UBR2: variants seen among roughly 807,000 people sequenced by gnomAD.
The protein encoded by UBR2 is E3 ubiquitin-protein ligase UBR2.
A neutral mutation model predicts 247.9 loss-of-function variants in UBR2; 92 were observed. The ratio of observed to expected loss-of-function variants is 0.37; its 90% CI spans 0.31 to 0.44. The LOEUF is 0.44. Ranked by LOEUF, UBR2 falls within the 20% of genes least tolerant of loss-of-function variation. The pLI is 1.00. For missense variants in UBR2, 1,613 were observed against 2,112.6 expected (o/e 0.76, Z 4.64); for synonymous variants, 672 against 693.5 (o/e 0.97, Z 0.49).
At chr6:42,641,755 A>C in intron 17 of UBR2, 63 bp downstream of exon 17, 1 of 1,352,030 alleles carries the variant, frequency 7.4e-7, no homozygotes, top group Non-Finnish European at 1.0e-6. Context: ...GAAGGTTGTA[A>C]TTTTCAGTGG....
intron 13 of UBR2, 54 bp downstream of exon 13, chr6:42,632,958 C>CTTTTTTTTTTTTTTTTTTTTTTTTTCTTT (rs34284200): frequency 1.6e-6 from 1 of 610,586 alleles, no homozygotes; most frequent in Admixed American, 5.4e-5. Context: ...TCTCTTTTCT[C>CTTTTTTTTTTTTTTTTTTTTTTTTTCTTT]TTTTTTTTTT....
At chr6:42,569,678 G>C (rs1047904889) in intron 1 of UBR2, among the ~76,000 whole-genome samples, 5 of 152,180 alleles carry the variant, frequency 3.3e-5, no homozygotes, top group Admixed American at 3.3e-4. Flanking sequence ...AAAACCAAAA[G>C]TAGTTAAAGG....
At position 42,632,799 on chromosome 6, in the gene UBR2, G is replaced by T. The variant is rs776639741; in HGVS notation, c.1446-6G>T. On this transcript the variant is annotated splice_region_variant and splice_polypyrimidine_tract_variant and intron_variant, in intron 12 of 46. Transcript: ENST00000372901. ...TAATTGCCACTGTCACTTTTATCTT[G>T]TTCAGGTATGTGTTAATTAGCAAAC... 1.3e-6 allele frequency: 2 copies of T among 1,597,108 alleles called. No homozygotes were observed. Among genetic ancestry groups the T allele is most frequent in the African/African-American group, 2.7e-5 (2 of 73,876 alleles).
chr6:42,635,690 A>G, intron 14 of UBR2, 144 bp downstream of exon 14: 1 of 982,146 alleles, frequency 1.0e-6, no homozygotes, highest in Non-Finnish European at 1.4e-6. Context: ...CTCCACCTAT[A>G]AACTCAGTAA....
chr6:42,606,680 AT>A (rs755747796), intron 7 of UBR2, 29 bp downstream of exon 7: 1 of 1,551,014 alleles, frequency 6.4e-7, no homozygotes, highest in African/African-American at 1.4e-5. Flanking sequence ...TGCTTATATT[AT>A]TTTTTATTAG....
At chr6:42,636,173 T>G (rs1253654395) in intron 14 of UBR2, among the ~76,000 whole-genome samples, 1 of 66,532 alleles carries the variant, frequency 1.5e-5, no homozygotes, top group African/African-American at 5.3e-5. Context: ...CATGGTTGTT[T>G]TTTTTTTTGT....
intron 1 of UBR2, among the ~76,000 whole-genome samples, chr6:42,570,513 G>T (rs1285321136): frequency 1.3e-5 from 2 of 152,010 alleles, no homozygotes; most frequent in African/African-American, 2.4e-5. Flanking sequence ...GATTATAGGC[G>T]TGAGCCACTG....
chr6:42,571,242 CAAAAA>C (rs774925925), intron 1 of UBR2, among the ~76,000 whole-genome samples: 4 of 39,136 alleles, frequency 1.0e-4, no homozygotes, highest in Non-Finnish European at 1.4e-4. Flanking sequence ...GACTCCGTCT[CAAAAA>C]AAAAAAAAAA....
At chr6:42,666,943 G>A (rs1798139677) in intron 34 of UBR2, among the ~76,000 whole-genome samples, 1 of 152,180 alleles carries the variant, frequency 6.6e-6, no homozygotes, top group Admixed American at 6.5e-5. Flanking sequence ...TCTGTCAAGT[G>A]AGGATAATTC....
intron 40 of UBR2, among the ~76,000 whole-genome samples, chr6:42,677,266 C>T (rs570843694): frequency 7.9e-5 from 12 of 152,212 alleles, no homozygotes; most frequent in African/African-American, 2.9e-4. Flanking sequence ...TCAGTAGTAG[C>T]AGGAATAAAA....
rs1013723659 is a variant in UBR2 at position 42,679,976 on chromosome 6, G to A, written c.4718+144G>A. On this transcript the variant is annotated intron_variant, in intron 42 of 46. Coordinates refer to ENST00000372901, the MANE Select transcript of UBR2 (RefSeq NM_001363705.2). ...TCAAACTATAATGGGTGGGCCTTTT[G>A]TTGTTGTTTGTTTTGTTTTGTTTTG... 2.9e-5 allele frequency: 17 copies of A among 595,518 alleles called. No homozygotes were observed. In the South Asian group the frequency reaches 3.0e-4, roughly 11 times the overall value. 36.9% of individuals were successfully genotyped at this position (595,518 alleles called of 1,614,324 possible).
At chr6:42,572,147 A>G (rs769570065) in intron 1 of UBR2, among the ~76,000 whole-genome samples, 2 of 152,196 alleles carry the variant, frequency 1.3e-5, no homozygotes, top group Non-Finnish European at 2.9e-5. Context: ...TACTTGCATA[A>G]TGTAAACACA....
At chr6:42,608,795 A>AT (rs1268621116) in intron 7 of UBR2, among the ~76,000 whole-genome samples, 5 of 151,800 alleles carry the variant, frequency 3.3e-5, no homozygotes, top group African/African-American at 1.2e-4. Context: ...GCATATTCTT[A>AT]TTTTTTCTGT....
At chr6:42,608,558 A>T (rs1447149190) in intron 7 of UBR2, among the ~76,000 whole-genome samples, 1 of 152,202 alleles carries the variant, frequency 6.6e-6, no homozygotes, top group East Asian at 1.9e-4. Flanking sequence ...TGAGCCCAGG[A>T]GTCCAAGGGT....
At chr6:42,678,810 C>A in intron 41 of UBR2, 141 bp downstream of exon 41, 2 of 919,502 alleles carry the variant, frequency 2.2e-6, no homozygotes, top group African/African-American at 1.7e-5. Context: ...ACATTTATAG[C>A]ATAAAATGTA....
intron 10 of UBR2, 134 bp from the exon 11 acceptor site, chr6:42,617,275 T>C: frequency 2.5e-6 from 4 of 1,614,160 alleles, no homozygotes; most frequent in Non-Finnish European, 3.4e-6. Context: ...TTATGGAGGA[T>C]GATCACGAGC....
chr6:42,676,008 C>T, intron 38 of UBR2, 48 bp from the exon 39 acceptor site: 1 of 1,531,432 alleles, frequency 6.5e-7, no homozygotes, highest in Non-Finnish European at 8.7e-7. Flanking sequence ...ATTTGCTTAG[C>T]TGTGAAAGGA....
intron 14 of UBR2, among the ~76,000 whole-genome samples, chr6:42,635,920 A>G (rs576602158): frequency 5.3e-5 from 8 of 152,304 alleles, no homozygotes; most frequent in African/African-American, 1.9e-4. Flanking sequence ...TCCTTTGGCG[A>G]TAAAGTCTAG....
chr6:42,689,951 C>T lies in UBR2; in HGVS notation c.5126+281C>T, dbSNP rs1201812251. Among the ~76,000 whole-genome samples, 7 of 152,140 alleles carry T rather than the reference C, an allele frequency of 4.6e-5. No homozygotes were observed. The highest frequency in any genetic ancestry group is 7.2e-5 in the African/African-American group (3 of 41,432). On this transcript the variant is annotated intron_variant, in intron 46 of 46. Coordinates refer to ENST00000372901, the MANE Select transcript of UBR2 (RefSeq NM_001363705.2). The surrounding 1 kb of genome is among the most constrained non-coding windows in gnomAD (Gnocchi z 4.0). ...ACTGTTTGAATTGCCATATAGCATC[C>T]CAGCTCAGAGCACTCCAGGGATGGC...
Sources: allele counts gnomAD v4.1 joint callset (sites outside exome capture counted in the v4.1 genomes callset), GRCh38; gene constraint gnomAD v4.1.1; non-coding constraint Gnocchi (gnomAD v3.1); transcripts MANE v1.5; gene names NCBI Gene and HGNC (gene_info 2026-07-23, HGNC 2026-07-21).